The following SIPA1L2 variants were observed in gnomAD, a reference collection of about 807,000 sequenced individuals.
SIPA1L2 encodes signal induced proliferation associated 1 like 2, also known as signal-induced proliferation-associated 1-like protein 2.
A neutral mutation model predicts 163.9 loss-of-function variants in SIPA1L2; 56 were observed. The ratio of observed to expected loss-of-function variants is 0.34; its 90% CI spans 0.28 to 0.43. The LOEUF is 0.43. Among genes scored for constraint, SIPA1L2 ranks in the 20% least tolerant of loss-of-function variants. The pLI, the probability that SIPA1L2 is intolerant of heterozygous loss-of-function variation, is 1.00. For missense variants in SIPA1L2, 1,974 were observed against 2,193.5 expected, an observed-to-expected ratio of 0.90 and a Z score of 2.00; for synonymous variants, 877 against 865.7, an observed-to-expected ratio of 1.01 and a Z score of -0.23.
At chr1:232,451,418 C>A (rs1362450477) in intron 10 of SIPA1L2, among the ~76,000 whole-genome samples, 1 of 152,126 alleles carries the variant, frequency 6.6e-6, no homozygotes, top group Non-Finnish European at 1.5e-5. Context: ...GAGTGTCAAA[C>A]TGGGGGCTGC....
chr1:232,542,853 T>G (rs769688397), intron 2 of SIPA1L2, among the ~76,000 whole-genome samples: 1 of 152,222 alleles, frequency 6.6e-6, no homozygotes, highest in Non-Finnish European at 1.5e-5. Flanking sequence ...TTCGCTCATA[T>G]ATACTCCTCT....
At chr1:232,604,749 G>GTAC (rs1203151083) in intron 1 of SIPA1L2, among the ~76,000 whole-genome samples, 1 of 152,146 alleles carries the variant, frequency 6.6e-6, no homozygotes, top group Non-Finnish European at 1.5e-5. Context: ...CAGCCTCCTA[G>GTAC]TACTATCTCA....
chr1:232,506,558 A>G (rs78925410), intron 3 of SIPA1L2, among the ~76,000 whole-genome samples: 1,863 of 152,338 alleles, frequency 0.012, 42 homozygotes, highest in African/African-American at 0.043. Flanking sequence ...AAACGGTTAA[A>G]TTGGTATCAA....
intron 2 of SIPA1L2, among the ~76,000 whole-genome samples, chr1:232,563,955 T>TTTTTGTG (rs1558270699): frequency 4.8e-4 from 56 of 116,770 alleles, no homozygotes; most frequent in African/African-American, 1.9e-3. Context: ...TTTTTTTTTT[T>TTTTTGTG]CGTGTGTGTG....
In SIPA1L2 at chr1:232,551,424, C is replaced by T. The variant is rs75083292; in HGVS notation, c.-270+22750G>A. 5.3e-5 allele frequency among the ~76,000 whole-genome samples: 8 copies of T among 152,328 alleles called. No individual in the cohort carries two copies. The East Asian group carries it at 1.5e-3, about 29-fold the overall frequency. ...GCCAGCAGATTTACTGCTCCATGCTCACTGGGGAGGCCTAATAACAAACTA... is the reference window on the plus strand; with the variant it reads ...GCCAGCAGATTTACTGCTCCATGCTTACTGGGGAGGCCTAATAACAAACTA... On this transcript the variant is annotated intron_variant, in intron 2 of 22. Transcript: ENST00000674635.
In SIPA1L2 at chr1:232,413,404, GA is replaced by G. The variant is rs1166151229; in HGVS notation, c.4762+2089del. ...CCATTTTGCCTTCTCTAATCCCCTG[GA>G]AAAAAAAATGCATTTTCTAGCAGTC... On this transcript the variant is annotated intron_variant, in intron 19 of 22. Transcript: ENST00000674635. Among the ~76,000 whole-genome samples, 7 of 150,532 alleles carry G rather than the reference GA, an allele frequency of 4.7e-5. No individual in the cohort carries two copies. The East Asian group carries it at 5.8e-4, about 13-fold the overall frequency.
At chr1:232,555,770 G>C (rs1311948166) in intron 2 of SIPA1L2, among the ~76,000 whole-genome samples, 1 of 152,196 alleles carries the variant, frequency 6.6e-6, no homozygotes, top group Non-Finnish European at 1.5e-5. Context: ...AGGGGATAGA[G>C]AACTCTACAT....
At chr1:232,450,700 T>C (rs1211360547) in intron 10 of SIPA1L2, among the ~76,000 whole-genome samples, 1 of 152,224 alleles carries the variant, frequency 6.6e-6, no homozygotes, top group African/African-American at 2.4e-5. Flanking sequence ...TTGTTTGGTA[T>C]GGTTTTTAAG....
At chr1:232,526,598 C>T (rs1667720899) in intron 2 of SIPA1L2, among the ~76,000 whole-genome samples, 1 of 152,202 alleles carries the variant, frequency 6.6e-6, no homozygotes. Context: ...TCTGTGCAGC[C>T]CGGTTCCTAA....
At chr1:232,609,568 C>A (rs1662133743) in intron 1 of SIPA1L2, among the ~76,000 whole-genome samples, 1 of 152,122 alleles carries the variant, frequency 6.6e-6, no homozygotes, top group Admixed American at 6.6e-5. Flanking sequence ...TAGTGGCTCA[C>A]ACCTGTAATC....
Position 232,607,248 on chromosome 1 carries a change from C to T in SIPA1L2, c.-319+22621G>A, listed in dbSNP as rs555158460. 8.1e-4 allele frequency among the ~76,000 whole-genome samples: 123 copies of T among 152,248 alleles called. No homozygotes were observed. In the Middle Eastern group the frequency reaches 0.021, roughly 26 times the overall value. ...TTAATGTATCCCTGTTCCATTAATG[C>T]ATATGCATATTTAATATACTGCTTA... On this transcript the variant is annotated intron_variant, in intron 1 of 22. Coordinates refer to ENST00000674635, the MANE Select transcript of SIPA1L2 (RefSeq NM_020808.5).
At chr1:232,579,215 C>T (rs747073979) in intron 1 of SIPA1L2, among the ~76,000 whole-genome samples, 2 of 152,184 alleles carry the variant, frequency 1.3e-5, no homozygotes, top group Non-Finnish European at 2.9e-5. Flanking sequence ...CTGAAATGAA[C>T]ACAAATATTC....
upstream of SIPA1L2, among the ~76,000 whole-genome samples, chr1:232,630,469 G>A (rs906123985): frequency 3.3e-5 from 5 of 152,194 alleles, no homozygotes; most frequent in African/African-American, 1.2e-4. Context: ...CGTCCTTGTC[G>A]AGACTCGCTT....
At chr1:232,480,225 T>C (rs1281454536) in intron 6 of SIPA1L2, among the ~76,000 whole-genome samples, 2 of 151,798 alleles carry the variant, frequency 1.3e-5, no homozygotes, top group African/African-American at 4.8e-5. Flanking sequence ...TTCTTGGCAC[T>C]TGATCTTCCA....
At chr1:232,457,817 AC>A (rs1332922807) in intron 10 of SIPA1L2, among the ~76,000 whole-genome samples, 3 of 152,216 alleles carry the variant, frequency 2.0e-5, no homozygotes, top group Admixed American at 6.5e-5. Context: ...CTTCATACTT[AC>A]ACTTGCGGTC....
intron 1 of SIPA1L2, among the ~76,000 whole-genome samples, chr1:232,587,902 CTT>C (rs760875032): frequency 6.6e-6 from 1 of 152,202 alleles, no homozygotes; most frequent in Non-Finnish European, 1.5e-5. Flanking sequence ...TCACTCTTCT[CTT>C]ATCTGCCGCC....
chr1:232,434,084 C>T (rs570087293), intron 15 of SIPA1L2, among the ~76,000 whole-genome samples: 1 of 152,280 alleles, frequency 6.6e-6, no homozygotes, highest in South Asian at 2.1e-4. Flanking sequence ...AGTAGGAGTC[C>T]TTTCTATTGA....
At chr1:232,460,755 G>C in intron 10 of SIPA1L2, 132 bp downstream of exon 10, 2 of 1,095,864 alleles carry the variant, frequency 1.8e-6, no homozygotes, top group Non-Finnish European at 2.6e-6. Flanking sequence ...GTACAAATGA[G>C]TGACATCCCA....
intron 1 of SIPA1L2, among the ~76,000 whole-genome samples, chr1:232,596,814 A>T (rs1401011079): frequency 2.6e-5 from 4 of 152,152 alleles, no homozygotes; most frequent in Admixed American, 6.5e-5. Flanking sequence ...TCGATGAGTT[A>T]ACTCTGGGAC....
Sources: gnomAD v4.1 joint callset for allele counts (sites outside exome capture counted in the v4.1 genomes callset) on GRCh38, gnomAD v4.1.1 for gene constraint, MANE v1.5 for transcripts, NCBI Gene and HGNC (gene_info 2026-07-23, HGNC 2026-07-21) for gene names.